Variants in GABRB1 observed in about 807,000 individuals in gnomAD.
GABRB1 encodes the protein gamma-aminobutyric acid type A receptor subunit beta1.
A neutral mutation model predicts 51.6 loss-of-function variants in GABRB1; 17 were observed. That is an observed-to-expected ratio of 0.33 (90% CI 0.23 to 0.49). GABRB1 has a LOEUF of 0.49. Among genes scored for constraint, GABRB1 ranks in the 20% least tolerant of loss-of-function variants. GABRB1 has a pLI of 0.99. For synonymous variants in GABRB1, 247 were observed against 218.9 expected (o/e 1.13, Z -1.14); for missense variants, 410 against 600.6 (o/e 0.68, Z 3.32).
intron 4 of GABRB1, among the ~76,000 whole-genome samples, chr4:47,209,927 T>C (rs545970445): frequency 8.5e-5 from 13 of 152,242 alleles, no homozygotes; most frequent in Non-Finnish European, 1.5e-4. Context: ...CCCTCCTGGT[T>C]GTGTAATCAC....
rs534022453 is a variant in GABRB1, at chr4:47,150,399, G to A, written c.241-10850G>A. Reference sequence around the variant, plus strand: ...ACACACAGAGAGAGAGAGAGATGTAGAAGAGATTCGTTGCAGAATTGTTTT... The same window carrying A: ...ACACACAGAGAGAGAGAGAGATGTAAAAGAGATTCGTTGCAGAATTGTTTT... On this transcript the variant is annotated intron_variant, in intron 3 of 8. Coordinates refer to ENST00000295454, the MANE Select transcript of GABRB1 (RefSeq NM_000812.4). 2.7e-5 allele frequency among the ~76,000 whole-genome samples: 4 copies of A among 147,860 alleles called. No homozygotes were observed. The East Asian group carries it at 8.2e-4, about 30-fold the overall frequency.
intron 8 of GABRB1, among the ~76,000 whole-genome samples, chr4:47,424,900 T>A (rs756279914): frequency 6.6e-5 from 10 of 152,148 alleles, no homozygotes; most frequent in Non-Finnish European, 1.2e-4. Context: ...ACAGGAAGCA[T>A]CAGTGAACAA....
intron 3 of GABRB1, among the ~76,000 whole-genome samples, chr4:47,146,221 G>C (rs1316022510): frequency 6.6e-6 from 1 of 152,008 alleles, no homozygotes; most frequent in South Asian, 2.1e-4. Flanking sequence ...CCAGAAGTAA[G>C]CAAGTCAAAA....
intron 3 of GABRB1, among the ~76,000 whole-genome samples, chr4:47,086,668 A>T (rs1364956096): frequency 1.3e-5 from 2 of 152,182 alleles, no homozygotes; most frequent in African/African-American, 2.4e-5. Context: ...AGGAATAAAA[A>T]TGCTCCTGTG....
intron 1 of GABRB1, among the ~76,000 whole-genome samples, chr4:47,004,395 G>A (rs1178956150): frequency 6.6e-6 from 1 of 152,146 alleles, no homozygotes. Context: ...CAAGATTATA[G>A]GCATGATGAG....
intron 5 of GABRB1, among the ~76,000 whole-genome samples, chr4:47,362,547 C>T (rs570017227): frequency 1.0e-3 from 158 of 152,170 alleles, no homozygotes; most frequent in African/African-American, 3.6e-3. Flanking sequence ...ATAAATTTTA[C>T]GTGGTTCTAG....
chr4:47,029,403 GC>G (rs1487832412), upstream of GABRB1, among the ~76,000 whole-genome samples: 1 of 151,650 alleles, frequency 6.6e-6, no homozygotes, highest in Admixed American at 6.6e-5. Flanking sequence ...ATTTAGAGTG[GC>G]TTTTGATCTT....
At chr4:47,012,034 G>A (rs145068076) in intron 1 of GABRB1, among the ~76,000 whole-genome samples, 1 of 152,180 alleles carries the variant, frequency 6.6e-6, no homozygotes, top group African/African-American at 2.4e-5. Context: ...TACAATTAAA[G>A]CTTCCTGAGT....
intron 5 of GABRB1, among the ~76,000 whole-genome samples, chr4:47,366,842 C>A (rs1419627450): frequency 6.6e-6 from 1 of 152,192 alleles, no homozygotes; most frequent in Non-Finnish European, 1.5e-5. Flanking sequence ...AGCTTCACAA[C>A]TTACCTGATT....
At chr4:47,371,661 T>A (rs1727202103) in intron 5 of GABRB1, among the ~76,000 whole-genome samples, 1 of 152,228 alleles carries the variant, frequency 6.6e-6, no homozygotes, top group South Asian at 2.1e-4. Context: ...CTCGTTGTGG[T>A]TTTGATGGGC....
intron 5 of GABRB1, among the ~76,000 whole-genome samples, chr4:47,325,601 C>A (rs1335180244): frequency 6.6e-6 from 1 of 152,144 alleles, no homozygotes; most frequent in Non-Finnish European, 1.5e-5. Context: ...ATTACTCCAG[C>A]ACAATAGACT....
At chr4:47,106,967 G>T (rs1714997678) in intron 3 of GABRB1, among the ~76,000 whole-genome samples, 3 of 151,964 alleles carry the variant, frequency 2.0e-5, no homozygotes, top group Admixed American at 2.0e-4. Context: ...ATGGTGATTG[G>T]GTGGCTTTTT....
rs182424646 is a variant in GABRB1 at position 47,289,650 on chromosome 4, A to G, written c.462-30477A>G. 2.2e-4 allele frequency among the ~76,000 whole-genome samples: 33 copies of G among 152,326 alleles called. No individual in the cohort carries two copies. The East Asian group carries it at 5.6e-3, about 26-fold the overall frequency. ...CCAATTAGCTGATTTAACTGCCAAA[A>G]TTATACTGGTGTACTGGATGAGTGA... is the stretch of plus-strand genomic sequence containing the variant. On this transcript the variant is annotated intron_variant, in intron 4 of 8. Coordinates refer to ENST00000295454, the MANE Select transcript of GABRB1 (RefSeq NM_000812.4).
chr4:47,116,993 C>T (rs992720048), intron 3 of GABRB1, among the ~76,000 whole-genome samples: 9 of 152,056 alleles, frequency 5.9e-5, no homozygotes, highest in Non-Finnish European at 1.2e-4. Flanking sequence ...GAGCAGCAAG[C>T]GGGGAAGTCC....
At chr4:47,381,166 C>G (rs755627251) in intron 5 of GABRB1, among the ~76,000 whole-genome samples, 1 of 152,108 alleles carries the variant, frequency 6.6e-6, no homozygotes, top group Non-Finnish European at 1.5e-5. Flanking sequence ...ACTACAGAAG[C>G]CTCACCCTTG....
chr4:47,124,531 A>G (rs1166492555), intron 3 of GABRB1, among the ~76,000 whole-genome samples: 2 of 152,200 alleles, frequency 1.3e-5, no homozygotes, highest in Non-Finnish European at 2.9e-5. Flanking sequence ...ACGGAAATCT[A>G]TAAATTGCCT....
chr4:47,295,149 A>T (rs1723921390), intron 4 of GABRB1, among the ~76,000 whole-genome samples: 2 of 152,200 alleles, frequency 1.3e-5, no homozygotes, highest in African/African-American at 4.8e-5. Flanking sequence ...AAAACCACAA[A>T]GATGGGGAAA....
intron 4 of GABRB1, among the ~76,000 whole-genome samples, chr4:47,177,969 T>C (rs1266020949): frequency 6.6e-6 from 1 of 152,038 alleles, no homozygotes; most frequent in Non-Finnish European, 1.5e-5. Context: ...GTGAGGCTGA[T>C]TAAATGGATT....
chr4:47,217,879 A>G (rs1254784915), intron 4 of GABRB1, among the ~76,000 whole-genome samples: 1 of 151,576 alleles, frequency 6.6e-6, no homozygotes, highest in Non-Finnish European at 1.5e-5. Context: ...ATGCACAACA[A>G]ATTATTCTTA....
Sources: allele counts gnomAD v4.1 joint callset (sites outside exome capture counted in the v4.1 genomes callset), GRCh38; gene constraint gnomAD v4.1.1; transcripts MANE v1.5; gene names NCBI Gene and HGNC (gene_info 2026-07-23, HGNC 2026-07-21).